CAPZA1: variants seen among roughly 807,000 people sequenced by gnomAD.
The protein encoded by CAPZA1 is F-actin-capping protein subunit alpha-1.
In CAPZA1, 10 loss-of-function variants were observed where a neutral mutation model predicts 40.8. The observed-to-expected ratio is 0.25, with a 90% CI of 0.15 to 0.42. CAPZA1 has a LOEUF of 0.42. Among genes scored for constraint, CAPZA1 ranks in the 10% least tolerant of loss-of-function variants. The probability of loss-of-function intolerance (pLI) is 1.00; values close to 1 mark genes in which losing one functional copy is unlikely to be tolerated. For synonymous variants in CAPZA1, 98 were observed against 115.0 expected (o/e 0.85, Z 0.95); for missense variants, 277 against 353.8 (o/e 0.78, Z 1.74).
intron 1 of CAPZA1, among the ~76,000 whole-genome samples, chr1:112,623,693 A>G (rs1236105005): frequency 1.3e-5 from 2 of 150,760 alleles, no homozygotes; most frequent in Admixed American, 6.6e-5. Flanking sequence ...AAAAAAAAAA[A>G]AAAGAAAAGA....
Position 112,670,288 on chromosome 1 carries a change from G to A in CAPZA1, c.*156G>A, listed in dbSNP as rs1208127202. 4.3e-5 allele frequency: 29 copies of A among 681,954 alleles called. No homozygotes were observed. Among genetic ancestry groups the A allele is most frequent in the East Asian group, 2.5e-4 (8 of 32,156 alleles). 42.2% of individuals were successfully genotyped at this position (681,954 alleles called of 1,614,324 possible). A position where few individuals can be genotyped will look rare whatever the true frequency, so the allele number is the denominator to read the frequency against. On this transcript the variant is annotated 3_prime_UTR_variant, in exon 10 of 10. Transcript: ENST00000263168. Reference sequence around the variant, plus strand: ...CATGGAATACTGTTGAACCTATAGCGTTGTCTTGATTCTTTTGTGTTCTCT... The same window carrying A: ...CATGGAATACTGTTGAACCTATAGCATTGTCTTGATTCTTTTGTGTTCTCT...
intron 1 of CAPZA1, among the ~76,000 whole-genome samples, chr1:112,622,654 A>G (rs1271867098): frequency 2.0e-5 from 3 of 152,220 alleles, no homozygotes; most frequent in Admixed American, 1.3e-4. Flanking sequence ...TACAATTTCA[A>G]AAGTATGGTA....
At chr1:112,644,523 T>A (rs1043885757) in intron 1 of CAPZA1, among the ~76,000 whole-genome samples, 1 of 152,094 alleles carries the variant, frequency 6.6e-6, no homozygotes, top group Non-Finnish European at 1.5e-5. Context: ...CTCTTGAACG[T>A]ATTTTTTTTT....
In CAPZA1 at chr1:112,645,469, T is replaced by TA. The variant is rs925310560; in HGVS notation, c.40-1737dup. Among the ~76,000 whole-genome samples the TA allele has an allele frequency of 7.9e-5, 12 of 151,844 alleles. No homozygotes were observed. The East Asian group carries it at 1.5e-3, about 20-fold the overall frequency. ...GTGAGACCCTCTCTCTGCAGAAAATTAAAATTTTTTAAAAATTAGCCAGGC... is the reference window on the plus strand; with the variant it reads ...GTGAGACCCTCTCTCTGCAGAAAATTAAAAATTTTTTAAAAATTAGCCAGGC... On this transcript the variant is annotated intron_variant, in intron 1 of 9. Coordinates refer to ENST00000263168, the MANE Select transcript of CAPZA1 (RefSeq NM_006135.3).
intron 8 of CAPZA1, among the ~76,000 whole-genome samples, chr1:112,668,378 AT>A (rs1364934807): frequency 6.6e-6 from 1 of 152,050 alleles, no homozygotes; most frequent in Non-Finnish European, 1.5e-5. Context: ...ATCTTTGTGA[AT>A]ATATTTTCCA....
chr1:112,658,963 C>A, intron 5 of CAPZA1, 59 bp from the exon 6 acceptor site: 2 of 1,198,832 alleles, frequency 1.7e-6, no homozygotes, highest in Non-Finnish European at 2.5e-6. Context: ...TTGTACAATG[C>A]ATGTTGTTTA....
intron 6 of CAPZA1, chr1:112,659,315 T>G: frequency 3.6e-6 from 2 of 558,904 alleles, no homozygotes; most frequent in Non-Finnish European, 6.4e-6. Flanking sequence ...AAGTGATTAG[T>G]AAAGTGCCCT....
At chr1:112,645,388 G>T (rs966852744) in intron 1 of CAPZA1, among the ~76,000 whole-genome samples, 1 of 152,196 alleles carries the variant, frequency 6.6e-6, no homozygotes, top group Non-Finnish European at 1.5e-5. Context: ...GCTTTGGGAG[G>T]CTGAGGTGGG....
intron 1 of CAPZA1, among the ~76,000 whole-genome samples, chr1:112,631,415 T>G (rs1670914093): frequency 6.6e-6 from 1 of 152,084 alleles, no homozygotes; most frequent in Non-Finnish European, 1.5e-5. Context: ...TAGATATGAG[T>G]AGGTTTTATA....
rs1291333048 is a variant in CAPZA1, at chr1:112,649,412, C to T, written c.104-6C>T. On this transcript the variant is annotated splice_region_variant and splice_polypyrimidine_tract_variant and intron_variant, in intron 2 of 9. Transcript: ENST00000263168. ...CACTGAACATTGTAACATTTTTCCT[C>T]CTCAGACGTTCGGCTACTACTTAAT... is the stretch of plus-strand genomic sequence containing the variant. The T allele has an allele frequency of 1.2e-6, 2 of 1,609,708 alleles. No homozygotes were observed. Among genetic ancestry groups the T allele is most frequent in the African/African-American group, 2.7e-5 (2 of 74,730 alleles).
chr1:112,621,761 G>GT (rs11418884), intron 1 of CAPZA1, among the ~76,000 whole-genome samples: 59,844 of 122,856 alleles, frequency 0.49, 15,650 homozygotes, highest in South Asian at 0.61. Context: ...TTGGGTTATG[G>GT]TTTTTTTTTT....
At chr1:112,654,343 A>G (rs1671457013) in intron 4 of CAPZA1, 122 bp from the exon 5 acceptor site, 2 of 630,014 alleles carry the variant, frequency 3.2e-6, no homozygotes, top group African/African-American at 1.8e-5. Flanking sequence ...AAAAATTAAT[A>G]TGAAAGAAAT....
intron 3 of CAPZA1, chr1:112,649,780 A>G: frequency 2.7e-6 from 1 of 370,270 alleles, no homozygotes; most frequent in Non-Finnish European, 4.8e-6. Context: ...TTTTTTAAAC[A>G]GCTAGCTATA....
chr1:112,668,475 A>C (rs1671768927), intron 8 of CAPZA1, among the ~76,000 whole-genome samples: 1 of 152,046 alleles, frequency 6.6e-6, no homozygotes, highest in Non-Finnish European at 1.5e-5. Context: ...CTTTATTGTG[A>C]TATTAGTTGT....
chr1:112,641,878 G>C (rs1468642428), intron 1 of CAPZA1, among the ~76,000 whole-genome samples: 1 of 109,864 alleles, frequency 9.1e-6, no homozygotes, highest in African/African-American at 3.9e-5. Flanking sequence ...GACAGACTGA[G>C]ACTGTCTCAA....
intron 7 of CAPZA1, among the ~76,000 whole-genome samples, chr1:112,664,960 T>C (rs1234232341): frequency 6.6e-6 from 1 of 151,584 alleles, no homozygotes; most frequent in Non-Finnish European, 1.5e-5. Flanking sequence ...AATGAGGGAA[T>C]ATAAGTAATA....
chr1:112,644,307 C>T (rs1570712888), intron 1 of CAPZA1, among the ~76,000 whole-genome samples: 2 of 147,932 alleles, frequency 1.4e-5, no homozygotes, highest in African/African-American at 2.5e-5. Context: ...TCTCCTGCCT[C>T]AGCTTCCCAA....
intron 1 of CAPZA1, among the ~76,000 whole-genome samples, chr1:112,637,191 A>G (rs1671037792): frequency 6.6e-6 from 1 of 152,256 alleles, no homozygotes; most frequent in Non-Finnish European, 1.5e-5. Context: ...CTATTTCTTG[A>G]TTTATAAATG....
rs528891433 is a variant in CAPZA1, at chr1:112,635,999, A to G, written c.40-11211A>G. 2.0e-5 allele frequency among the ~76,000 whole-genome samples: 3 copies of G among 152,330 alleles called. No individual in the cohort carries two copies. The South Asian group carries it at 6.2e-4, about 32-fold the overall frequency. On this transcript the variant is annotated intron_variant, in intron 1 of 9. Transcript: ENST00000263168. ...AGCTGAGATCGCGCCACTGCACTCC[A>G]GCCTCGGTGACAGAGCGAGACTCTT... is the stretch of plus-strand genomic sequence containing the variant.
Sources: allele counts gnomAD v4.1 joint callset (sites outside exome capture counted in the v4.1 genomes callset), GRCh38; gene constraint gnomAD v4.1.1; transcripts MANE v1.5; gene names NCBI Gene and HGNC (gene_info 2026-07-23, HGNC 2026-07-21).